Variants in PRKN observed in about 807,000 individuals in gnomAD.
The protein encoded by PRKN is parkin RBR E3 ubiquitin protein ligase.
PRKN carries 56 observed loss-of-function variants against 59.5 expected under a neutral mutation model. That is an observed-to-expected ratio of 0.94 (90% CI 0.76 to 1.18). The LOEUF (loss-of-function observed/expected upper bound fraction) is 1.18. Ranked by LOEUF, PRKN falls within the 50% of genes most tolerant of loss-of-function variation. The pLI is 0.00. For synonymous variants in PRKN, 250 were observed against 222.1 expected (o/e 1.13, Z -1.12); for missense variants, 657 against 596.4 (o/e 1.10, Z -1.06).
At chr6:161,701,639 G>T (rs1786254858) in intron 7 of PRKN, among the ~76,000 whole-genome samples, 1 of 152,016 alleles carries the variant, frequency 6.6e-6, no homozygotes, top group African/African-American at 2.4e-5. Context: ...AAAAATTTAG[G>T]CATATGTATT....
intron 9 of PRKN, among the ~76,000 whole-genome samples, chr6:161,403,821 G>A (rs1787150891): frequency 6.6e-6 from 1 of 152,140 alleles, no homozygotes; most frequent in South Asian, 2.1e-4. Context: ...TGTGAGGTGG[G>A]AGTGGGTTAC....
At chr6:162,418,913 G>A (rs1306011546) in intron 2 of PRKN, among the ~76,000 whole-genome samples, 1 of 151,728 alleles carries the variant, frequency 6.6e-6, no homozygotes. Flanking sequence ...GGGGCACCAG[G>A]ACAAGGACCC....
At chr6:162,442,449 TCAA>T (rs991402744) in intron 2 of PRKN, among the ~76,000 whole-genome samples, 5 of 152,092 alleles carry the variant, frequency 3.3e-5, no homozygotes, top group Non-Finnish European at 7.3e-5. Context: ...AAGAATAGCG[TCAA>T]CAAATGTTGA....
At chr6:162,165,343 A>C (rs1315581363) in intron 4 of PRKN, among the ~76,000 whole-genome samples, 1 of 149,396 alleles carries the variant, frequency 6.7e-6, no homozygotes, top group African/African-American at 2.5e-5. Flanking sequence ...ACATCTGTTC[A>C]TAAAAAATAT....
At chr6:162,098,954 G>A (rs2128298462) in intron 4 of PRKN, among the ~76,000 whole-genome samples, 1 of 152,210 alleles carries the variant, frequency 6.6e-6, no homozygotes, top group Non-Finnish European at 1.5e-5. Flanking sequence ...ACAAAATCTG[G>A]AGTCCGTTAC....
intron 2 of PRKN, among the ~76,000 whole-genome samples, chr6:162,358,794 TC>T (rs1784992571): frequency 6.6e-6 from 1 of 152,010 alleles, no homozygotes; most frequent in African/African-American, 2.4e-5. Flanking sequence ...GCAGAGCAGC[TC>T]ACGCCTGTAA....
intron 4 of PRKN, among the ~76,000 whole-genome samples, chr6:162,073,379 C>T (rs1198040279): frequency 6.6e-6 from 1 of 152,192 alleles, no homozygotes; most frequent in Non-Finnish European, 1.5e-5. Context: ...GCTGCCTAAA[C>T]AGAACATCTC....
At position 161,545,065 on chromosome 6, in the gene PRKN, A is replaced by T; in HGVS notation, c.1083+3789T>A. On this transcript the variant is annotated intron_variant, in intron 9 of 11. Transcript: ENST00000366898. This position sits in a 1 kb window ranked among gnomAD's most constrained non-coding sequence, Gnocchi z 4.1. The stretch of plus-strand genomic sequence containing the variant: ...TCCTCTGGAGCCCAGAGCTCAACAC[A>T]TGGGTGTCTAGCTCCGAACAATTTT... The T allele has an allele frequency of 6.2e-6, 5 of 804,228 alleles. No individual in the cohort carries two copies. Among genetic ancestry groups the T allele is most frequent in the Non-Finnish European group, 8.1e-6 (5 of 619,104 alleles). The allele number at this position is 804,228 out of a possible 1,614,324, so 49.8% of individuals were successfully genotyped here.
At chr6:162,710,374 A>ACACACACAC (rs1778486499) in intron 1 of PRKN, among the ~76,000 whole-genome samples, 2 of 125,242 alleles carry the variant, frequency 1.6e-5, no homozygotes, top group African/African-American at 3.4e-5. Flanking sequence ...ACCCCCTACA[A>ACACACACAC]ACACACACAC....
At chr6:161,695,588 A>G (rs1425212015) in intron 7 of PRKN, among the ~76,000 whole-genome samples, 1 of 152,210 alleles carries the variant, frequency 6.6e-6, no homozygotes, top group African/African-American at 2.4e-5. Flanking sequence ...TTAACTCCAC[A>G]AAATGAAGAG....
At chr6:161,519,194 G>C (rs71567615) in intron 9 of PRKN, among the ~76,000 whole-genome samples, 4,816 of 150,224 alleles carry the variant, frequency 0.032, 133 homozygotes, top group Admixed American at 0.045. Context: ...GGGAAGTAGG[G>C]AGGAGAGAGG....
intron 3 of PRKN, among the ~76,000 whole-genome samples, chr6:162,212,903 A>C (rs1479578930): frequency 1.3e-5 from 2 of 152,198 alleles, no homozygotes; most frequent in Admixed American, 6.5e-5. Context: ...AAACATAGAA[A>C]AGGTAATGTG....
chr6:161,536,736 A>C (rs1016071594), intron 9 of PRKN, among the ~76,000 whole-genome samples: 7 of 152,208 alleles, frequency 4.6e-5, no homozygotes, highest in African/African-American at 1.7e-4. Flanking sequence ...TGATGCTCAG[A>C]ATATTAAAAG....
intron 6 of PRKN, among the ~76,000 whole-genome samples, chr6:161,867,278 C>T (rs1487719434): frequency 2.0e-5 from 3 of 152,126 alleles, no homozygotes; most frequent in Admixed American, 6.6e-5. Context: ...ATGTGAGGTC[C>T]ATATATTCCC....
intron 1 of PRKN, among the ~76,000 whole-genome samples, chr6:162,632,698 T>C (rs1303880755): frequency 2.6e-5 from 4 of 152,052 alleles, no homozygotes; most frequent in African/African-American, 9.7e-5. Flanking sequence ...AACTCACTTT[T>C]GTGTAACTGT....
At chr6:162,340,921 G>T (rs186718417) in intron 2 of PRKN, among the ~76,000 whole-genome samples, 3 of 152,218 alleles carry the variant, frequency 2.0e-5, no homozygotes, top group East Asian at 3.9e-4. Context: ...TGACAAATGG[G>T]ATCTAATTAA....
chr6:162,174,637 A>G (rs1271059999), intron 4 of PRKN, among the ~76,000 whole-genome samples: 1 of 152,162 alleles, frequency 6.6e-6, no homozygotes, highest in Non-Finnish European at 1.5e-5. Context: ...TTGGCTTCAC[A>G]CCAGACTTCT....
chr6:162,448,181 C>T (rs111753901), intron 1 of PRKN, among the ~76,000 whole-genome samples: 4 of 152,182 alleles, frequency 2.6e-5, no homozygotes, highest in African/African-American at 4.8e-5. Context: ...ATCAGAGGCA[C>T]GCCCCGGTTA....
intron 9 of PRKN, among the ~76,000 whole-genome samples, chr6:161,485,489 A>G (rs1791605786): frequency 6.6e-6 from 1 of 152,224 alleles, no homozygotes; most frequent in Non-Finnish European, 1.5e-5. Context: ...TGAAAATATT[A>G]TCATAGTAAA....
Sources: gnomAD v4.1 joint callset for allele counts (sites outside exome capture counted in the v4.1 genomes callset) on GRCh38, gnomAD v4.1.1 for gene constraint, Gnocchi (gnomAD v3.1) non-coding constraint, MANE v1.5 for transcripts, NCBI Gene and HGNC (gene_info 2026-07-23, HGNC 2026-07-21) for gene names.